The following FOCAD variants were observed in gnomAD, a reference collection of about 807,000 sequenced individuals.
The protein encoded by FOCAD is KIAA1797.
In FOCAD, 198 loss-of-function variants were observed where a neutral mutation model predicts 225.6. The ratio of observed to expected loss-of-function variants is 0.88; its 90% CI spans 0.78 to 0.99. The LOEUF is 0.99. FOCAD is among the 50% of genes least tolerant of loss of function. FOCAD has a pLI of 0.00. For synonymous variants in FOCAD, 897 were observed against 755.0 expected, an observed-to-expected ratio of 1.19 and a Z score of -3.08; for missense variants, 2,713 against 2,123.6, an observed-to-expected ratio of 1.28 and a Z score of -5.46.
At chr9:20,693,413 T>C (rs1563881854) in intron 1 of FOCAD, among the ~76,000 whole-genome samples, 1 of 152,216 alleles carries the variant, frequency 6.6e-6, no homozygotes, top group Non-Finnish European at 1.5e-5. Flanking sequence ...TGGTTTACTT[T>C]TATCCATAGC....
At chr9:20,975,610 G>T (rs1840160279) in intron 35 of FOCAD, among the ~76,000 whole-genome samples, 1 of 152,192 alleles carries the variant, frequency 6.6e-6, no homozygotes, top group African/African-American at 2.4e-5. Flanking sequence ...TAATGTAAAA[G>T]AAGTTACTTA....
At position 20,767,312 on chromosome 9, in the gene FOCAD, A is replaced by T. The variant is rs372200273; in HGVS notation, c.699+2239A>T. ...GTGTGCATGTGTCTTTATAGCAGCA[A>T]GATTTATAGTCCTTTGGGTATATAC... On this transcript the variant is annotated intron_variant, in intron 7 of 43. Transcript: ENST00000338382. 7.1e-4 allele frequency among the ~76,000 whole-genome samples: 105 copies of T among 148,294 alleles called. 1 individual carries two copies. The highest frequency in any genetic ancestry group is 2.5e-3 in the African/African-American group (101 of 40,164).
intron 21 of FOCAD, among the ~76,000 whole-genome samples, chr9:20,901,814 A>G (rs1467025083): frequency 6.6e-6 from 1 of 151,998 alleles, no homozygotes; most frequent in Admixed American, 6.6e-5. Context: ...TATAAAAATT[A>G]TAATATCTGC....
chr9:20,899,489 T>C (rs1192150377), intron 21 of FOCAD, among the ~76,000 whole-genome samples: 1 of 151,988 alleles, frequency 6.6e-6, no homozygotes, highest in Non-Finnish European at 1.5e-5. Context: ...AGTAGCACTT[T>C]GCTCTGTGAC....
At chr9:20,911,640 C>A (rs1833446549) in intron 22 of FOCAD, among the ~76,000 whole-genome samples, 2 of 152,094 alleles carry the variant, frequency 1.3e-5, no homozygotes, top group Admixed American at 1.3e-4. Flanking sequence ...TAATGTGATG[C>A]TTTAATACCA....
chr9:20,888,766 A>G (rs1362562966), intron 21 of FOCAD, among the ~76,000 whole-genome samples: 1 of 152,028 alleles, frequency 6.6e-6, no homozygotes, highest in Non-Finnish European at 1.5e-5. Flanking sequence ...ATGAGATCTG[A>G]TGGTTTTAAA....
At chr9:20,913,145 TACACACACACACACACACACACACAC>T (rs56856864) in intron 23 of FOCAD, among the ~76,000 whole-genome samples, 191 bp downstream of exon 23, 2 of 137,252 alleles carry the variant, frequency 1.5e-5, no homozygotes, top group African/African-American at 5.5e-5. Context: ...AAATTATACA[TACACACACACACACACACACACACAC>T]ACACACACAC....
At chr9:20,833,718 C>G (rs1825731366) in intron 15 of FOCAD, among the ~76,000 whole-genome samples, 1 of 152,100 alleles carries the variant, frequency 6.6e-6, no homozygotes, top group Admixed American at 6.6e-5. Context: ...TAACAACTCT[C>G]TCTTCAACTT....
Position 20,789,577 on chromosome 9 carries a change from C to G in FOCAD, c.1424C>G (p.Thr475Ser). ...GQNLHQILKVTTELAQADSSQ... is the reference protein window; with the variant it reads ...GQNLHQILKVSTELAQADSSQ... ...AATCTTCACCAAATACTCAAGGTCA[C>G]TACAGAATTAGCCCAAGCAGATTCC... The change falls in exon 11 of 44, where the codon ACT becomes AGT. Residue 475 changes from threonine to serine, a missense_variant. Thr to Ser is a moderately conservative substitution (Grantham distance 58). Transcript: ENST00000338382. The G allele has an allele frequency of 6.2e-7, 1 of 1,613,914 alleles. No individual in the cohort carries two copies. The highest frequency in any genetic ancestry group is 8.5e-7 in the Non-Finnish European group (1 of 1,179,958).
intron 5 of FOCAD, among the ~76,000 whole-genome samples, chr9:20,756,891 T>G (rs1009142146): frequency 2.0e-5 from 3 of 152,206 alleles, no homozygotes; most frequent in African/African-American, 4.8e-5. Flanking sequence ...CTAAAAAGAT[T>G]GATATTTCTG....
chr9:20,944,752 G>A lies in FOCAD; in HGVS notation c.3533G>A (p.Ser1178Asn). The A allele has an allele frequency of 6.2e-7, 1 of 1,613,568 alleles. No individual in the cohort carries two copies. Among genetic ancestry groups the A allele is most frequent in the Non-Finnish European group, 8.5e-7 (1 of 1,179,670 alleles). ...KLSAHVDDSG[S>N]QSRTFQEVLA... is the part of the protein sequence containing the mutation. ...TCTGCGCACGTAGATGACAGCGGGA[G>A]CCAGAGCAGAACGTTTCAGGAGGTA... Residue 1178 changes from serine to asparagine, a missense_variant, in exon 29 of 44, where the codon AGC (serine) becomes AAC (asparagine). Transcript: ENST00000338382.
chr9:20,948,106 A>G (rs1308956793), intron 30 of FOCAD, among the ~76,000 whole-genome samples, 165 bp from the exon 31 acceptor site: 1 of 133,102 alleles, frequency 7.5e-6, no homozygotes, highest in Non-Finnish European at 1.7e-5. Context: ...GATTAAAAAA[A>G]AACAAAAAAC....
intron 11 of FOCAD, among the ~76,000 whole-genome samples, chr9:20,798,842 A>G (rs1321054517): frequency 1.3e-5 from 2 of 151,226 alleles, no homozygotes; most frequent in Admixed American, 6.6e-5. Flanking sequence ...TTGTGTCTCT[A>G]TTTCCTTCAG....
upstream of FOCAD, among the ~76,000 whole-genome samples, chr9:20,656,547 C>G (rs1324325460): frequency 9.9e-5 from 15 of 151,864 alleles, no homozygotes; most frequent in Non-Finnish European, 1.9e-4. Flanking sequence ...TTCTTTGTCT[C>G]TTTTGATCTT....
chr9:20,720,455 C>G lies in FOCAD; in HGVS notation c.208C>G (p.Leu70Val), dbSNP rs889767849. The change falls in exon 4 of 44, where the codon CTG (leucine) becomes GTG (valine). Residue 70 changes from leucine (L) to valine (V), a missense_variant. By Grantham distance (32) the Leu-to-Val change is conservative. Transcript: ENST00000338382. ...VVVRTACCEGLVALVAQDHAE... is the reference protein window; with the variant it reads ...VVVRTACCEGVVALVAQDHAE... ...GGTTCGAACAGCCTGCTGTGAAGGT[C>G]TGGTGGCACTCGTTGCTCAGGATCA... 8.1e-6 allele frequency: 13 copies of G among 1,613,970 alleles called. No individual in the cohort carries two copies. Among genetic ancestry groups the G allele is most frequent in the East Asian group, 6.7e-5 (3 of 44,884 alleles).
At chr9:20,688,070 A>G (rs1375900454) in intron 1 of FOCAD, among the ~76,000 whole-genome samples, 1 of 152,252 alleles carries the variant, frequency 6.6e-6, no homozygotes, top group Admixed American at 6.5e-5. Context: ...GAATAGATCA[A>G]CTTTAAAAAG....
At chr9:20,777,914 C>A (rs1446462586) in intron 8 of FOCAD, among the ~76,000 whole-genome samples, 2 of 151,668 alleles carry the variant, frequency 1.3e-5, no homozygotes, top group East Asian at 3.9e-4. Context: ...CACGGTGAAA[C>A]CCCGTCTCTA....
intron 34 of FOCAD, among the ~76,000 whole-genome samples, chr9:20,951,648 C>G (rs17691964): frequency 6.6e-6 from 1 of 152,078 alleles, no homozygotes. Flanking sequence ...CCTTCTTAGC[C>G]TTGGAATTGA....
chr9:20,678,603 C>A (rs10122604), intron 2 of FOCAD, among the ~76,000 whole-genome samples: 32,538 of 152,048 alleles, frequency 0.21, 3,773 homozygotes, highest in African/African-American at 0.31. Context: ...AGGAGGCCGA[C>A]CTATAACTGC....
Sources: allele counts gnomAD v4.1 joint callset (sites outside exome capture counted in the v4.1 genomes callset), GRCh38; gene constraint gnomAD v4.1.1; transcripts MANE v1.5; gene names NCBI Gene and HGNC (gene_info 2026-07-23, HGNC 2026-07-21).